The following CDH7 variants were observed in gnomAD, a reference collection of about 807,000 sequenced individuals.
CDH7 encodes the protein cadherin 7.
In CDH7, 25 loss-of-function variants were observed where a neutral mutation model predicts 71.8. That is an observed-to-expected ratio of 0.35 (90% CI 0.25 to 0.49). The LOEUF is 0.49. Among genes scored for constraint, CDH7 ranks in the 20% least tolerant of loss-of-function variants. The probability of loss-of-function intolerance (pLI) is 0.99; values close to 1 mark genes in which losing one functional copy is unlikely to be tolerated. For missense variants in CDH7, 862 were observed against 974.6 expected (o/e 0.88, Z 1.54); for synonymous variants, 381 against 363.8 (o/e 1.05, Z -0.54).
intron 4 of CDH7, among the ~76,000 whole-genome samples, chr18:65,820,800 A>T (rs1371527204): frequency 1.3e-5 from 2 of 152,158 alleles, no homozygotes. Flanking sequence ...GTCCTTTCAA[A>T]AATCCACAAA....
At position 65,883,381 on chromosome 18, in the gene CDH7, T is replaced by G. The variant is rs1914285908; in HGVS notation, c.*2487T>G. The stretch of plus-strand genomic sequence containing the variant: ...TTTAGTTTTCTTTTTTCTTCTGAAA[T>G]CTAATGCTATATATGATGACTGTCA... On this transcript the variant is annotated 3_prime_UTR_variant, in exon 12 of 12. Coordinates refer to ENST00000397968, the MANE Select transcript of CDH7 (RefSeq NM_004361.5). 6.6e-6 allele frequency: 1 copy of G among 152,014 alleles called. No individual in the cohort carries two copies. Among genetic ancestry groups the G allele is most frequent in the African/African-American group, 2.4e-5 (1 of 41,444 alleles). The allele number at this position is 152,014 out of a possible 1,614,324, so 9.4% of individuals were successfully genotyped here. A position where few individuals can be genotyped will look rare whatever the true frequency, so the allele number is the denominator to read the frequency against.
intron 2 of CDH7, among the ~76,000 whole-genome samples, chr18:65,765,418 G>A (rs942696587): frequency 5.3e-5 from 8 of 151,030 alleles, no homozygotes; most frequent in Admixed American, 2.0e-4. Flanking sequence ...ACTTAAGTAC[G>A]TTTTTTATTA....
At chr18:65,766,772 G>T (rs1472815187) in intron 2 of CDH7, among the ~76,000 whole-genome samples, 1 of 151,312 alleles carries the variant, frequency 6.6e-6, no homozygotes, top group Non-Finnish European at 1.5e-5. Flanking sequence ...GCTATTCACA[G>T]TACATAGGAG....
chr18:65,843,026 G>T (rs1373890387), intron 6 of CDH7, among the ~76,000 whole-genome samples: 2 of 152,102 alleles, frequency 1.3e-5, no homozygotes, highest in Non-Finnish European at 2.9e-5. Flanking sequence ...TCTACATGTT[G>T]TGTATATGAT....
chr18:65,794,077 A>C (rs1051447409), intron 2 of CDH7, among the ~76,000 whole-genome samples: 1 of 152,132 alleles, frequency 6.6e-6, no homozygotes, highest in South Asian at 2.1e-4. Flanking sequence ...AATAGCACAT[A>C]CTATCAATTA....
At chr18:65,837,162 G>A (rs1256310068) in intron 6 of CDH7, among the ~76,000 whole-genome samples, 1 of 152,060 alleles carries the variant, frequency 6.6e-6, no homozygotes, top group Non-Finnish European at 1.5e-5. Flanking sequence ...TCAAAATAGA[G>A]CCCTCATCTA....
At chr18:65,851,138 A>G (rs947802307) in intron 7 of CDH7, among the ~76,000 whole-genome samples, 6 of 152,100 alleles carry the variant, frequency 3.9e-5, no homozygotes, top group African/African-American at 1.4e-4. Flanking sequence ...TTATCATTAA[A>G]TTCCTAAGAG....
chr18:65,762,964 G>C lies in CDH7; in HGVS notation c.122G>C (p.Gly41Ala). 4 of 1,613,694 alleles carry C rather than the reference G, an allele frequency of 2.5e-6. No individual in the cohort carries two copies. The highest frequency in any genetic ancestry group is 3.4e-6 in the Non-Finnish European group (4 of 1,179,834). Reference sequence around the variant, plus strand: ...AGATCAAAGCCCTATTTCCAATCAGGGAGGTCCCGGACCAAGCGCAGCTGG... The same window carrying C: ...AGATCAAAGCCCTATTTCCAATCAGCGAGGTCCCGGACCAAGCGCAGCTGG... ...RSRSKPYFQSGRSRTKRSWVW... is the reference protein window; with the variant it reads ...RSRSKPYFQSARSRTKRSWVW... Residue 41 changes from glycine to alanine, a missense_variant, in exon 2 of 12, where the codon GGG becomes GCG. Transcript: ENST00000397968.
chr18:65,857,723 T>C (rs1210646598), intron 7 of CDH7, 93 bp from the exon 8 acceptor site: 1 of 1,225,834 alleles, frequency 8.2e-7, no homozygotes, highest in African/African-American at 1.5e-5. Flanking sequence ...CAGTAGGATT[T>C]AGTAATGAGC....
At position 65,860,117 on chromosome 18, in the gene CDH7, T is replaced by C. The variant is rs551807577; in HGVS notation, c.1612+292T>C. 2.0e-3 allele frequency among the ~76,000 whole-genome samples: 299 copies of C among 152,300 alleles called. 1 individual carries two copies. The highest frequency in any genetic ancestry group is 3.9e-3 in the Admixed American group (60 of 15,288). On this transcript the variant is annotated intron_variant, in intron 10 of 11. Transcript: ENST00000397968. ...TATACCAAGTTCATTATCCAAATAA[T>C]CTAATAAGTTGATGGTCAACTAAAT...
rs1228122748 is a variant in CDH7 at position 65,859,711 on chromosome 18, A to C, written c.1498A>C (p.Ile500Leu). 10 of 1,587,890 alleles carry C rather than the reference A, an allele frequency of 6.3e-6. No homozygotes were observed. Among genetic ancestry groups the C allele is most frequent in the Non-Finnish European group, 7.8e-6 (9 of 1,156,358 alleles). ...VCENAQPGQV[I>L]QKISAVDKDE... Reference sequence around the variant, plus strand: ...CTTTTACTTTCTCTTTTCCTAGGTTATCCAGAAAATCAGTGCTGTGGATAA... The same window carrying C: ...CTTTTACTTTCTCTTTTCCTAGGTTCTCCAGAAAATCAGTGCTGTGGATAA... The change falls in exon 10 of 12, where the codon ATC (isoleucine) becomes CTC (leucine). Residue 500 changes from isoleucine to leucine, a missense_variant. By Grantham distance (5) the Ile-to-Leu change is conservative (BLOSUM62 2). Transcript: ENST00000397968.
chr18:65,852,404 G>T (rs1235432014), intron 7 of CDH7, among the ~76,000 whole-genome samples: 2 of 152,134 alleles, frequency 1.3e-5, no homozygotes, highest in Non-Finnish European at 2.9e-5. Context: ...CTAATGAGAA[G>T]TCTGGAGCTA....
At chr18:65,777,527 C>A (rs912337107) in intron 2 of CDH7, among the ~76,000 whole-genome samples, 1 of 151,760 alleles carries the variant, frequency 6.6e-6, no homozygotes, top group Non-Finnish European at 1.5e-5. Context: ...TTTATCCATC[C>A]AAGCAGAAGC....
chr18:65,789,342 T>G (rs1910623568), intron 2 of CDH7, among the ~76,000 whole-genome samples: 1 of 152,188 alleles, frequency 6.6e-6, no homozygotes, highest in African/African-American at 2.4e-5. Flanking sequence ...GCGTGGAGAC[T>G]TGAGAAAATA....
At chr18:65,776,521 T>G (rs1909950231) in intron 2 of CDH7, among the ~76,000 whole-genome samples, 1 of 152,104 alleles carries the variant, frequency 6.6e-6, no homozygotes, top group Non-Finnish European at 1.5e-5. Flanking sequence ...AGGCAAGAGA[T>G]TCTAGTGTCA....
chr18:65,835,862 T>G (rs1240463618), intron 6 of CDH7, among the ~76,000 whole-genome samples: 1 of 152,182 alleles, frequency 6.6e-6, no homozygotes, highest in Non-Finnish European at 1.5e-5. Flanking sequence ...CGTTTTACCT[T>G]ATGTGGTAAA....
rs1431691815 is a variant in CDH7 at position 65,776,399 on chromosome 18, C to CAG, written c.210+13348_210+13349insGA. Among the ~76,000 whole-genome samples, 34 of 132,448 alleles carry CAG rather than the reference C, an allele frequency of 2.6e-4. No homozygotes were observed. The East Asian group carries it at 3.4e-3, about 13-fold the overall frequency. 86.9% of individuals were successfully genotyped at this position (132,448 alleles called of 152,430 possible). On this transcript the variant is annotated intron_variant, in intron 2 of 11. Coordinates refer to ENST00000397968, the MANE Select transcript of CDH7 (RefSeq NM_004361.5). ...ACACACACACACACACACACACACA[C>CAG]ACAGAGAGAGAGAGAGGGAAGAGAG... is the stretch of plus-strand genomic sequence containing the variant.
At chr18:65,836,684 A>AAAT (rs71167155) in intron 6 of CDH7, among the ~76,000 whole-genome samples, 109,242 of 150,138 alleles carry the variant, frequency 0.73, 40,021 homozygotes, top group East Asian at 0.96. Flanking sequence ...AGTATAATTA[A>AAAT]AATAATAATA....
chr18:65,829,775 A>T (rs953170623), intron 6 of CDH7, among the ~76,000 whole-genome samples: 23 of 138,202 alleles, frequency 1.7e-4, no homozygotes, highest in African/African-American at 5.7e-4. Context: ...CAAGGAAGGG[A>T]GTGTGTGTGT....
Sources: gnomAD v4.1 joint callset for allele counts (sites outside exome capture counted in the v4.1 genomes callset) on GRCh38, gnomAD v4.1.1 for gene constraint, MANE v1.5 for transcripts, NCBI Gene and HGNC (gene_info 2026-07-23, HGNC 2026-07-21) for gene names.